DYSF: variants seen among roughly 807,000 people sequenced by gnomAD.
The protein encoded by DYSF is dystrophy-associated fer-1-like 1.
Under a neutral mutation model 274.9 loss-of-function variants are expected in DYSF, and 212 were observed. That is an observed-to-expected ratio of 0.77 (90% CI 0.69 to 0.86). The LOEUF is 0.86. DYSF is among the 40% of genes least tolerant of loss of function. The pLI, the probability that DYSF is intolerant of heterozygous loss-of-function variation, is 0.00. For missense variants in DYSF, 2,666 were observed against 2,783.2 expected, an observed-to-expected ratio of 0.96 and a Z score of 0.95; for synonymous variants, 1,091 against 1,078.7, an observed-to-expected ratio of 1.01 and a Z score of -0.22.
chr2:71,641,178 ATT>A (rs10683765), intron 41 of DYSF, among the ~76,000 whole-genome samples: 1 of 124,534 alleles, frequency 8.0e-6, no homozygotes, highest in Non-Finnish European at 1.6e-5. Context: ...ATGTTTATCT[ATT>A]TTTTTTTTTT....
intron 24 of DYSF, 37 bp downstream of exon 24, chr2:71,564,250 T>C (rs1415702564): frequency 6.2e-7 from 1 of 1,613,792 alleles, no homozygotes; most frequent in Non-Finnish European, 8.5e-7. Context: ...GATCGTATTT[T>C]TCCCAACATA....
intron 26 of DYSF, among the ~76,000 whole-genome samples, chr2:71,569,019 C>T (rs1293963160): frequency 2.0e-5 from 3 of 152,090 alleles, no homozygotes; most frequent in Non-Finnish European, 4.4e-5. Context: ...ACTACAGCTG[C>T]CTGCCACTAC....
chr2:71,584,471 T>C (rs1431230622), intron 30 of DYSF, among the ~76,000 whole-genome samples: 1 of 152,062 alleles, frequency 6.6e-6, no homozygotes, highest in Non-Finnish European at 1.5e-5. Context: ...TGTAAGTGAG[T>C]CCACATTAAT....
rs563178501 is a variant in DYSF, at chr2:71,551,658, C to G, written c.1744C>G (p.Leu582Val). 3.1e-6 allele frequency: 5 copies of G among 1,611,234 alleles called. No individual in the cohort carries two copies. In the South Asian group the frequency reaches 5.6e-5, roughly 18 times the overall value. The change falls in exon 19 of 56, where the codon CTG (leucine) becomes GTG (valine). Residue 582 changes from leucine to valine, a missense_variant. Around this residue, in one of 3 missense-constraint regions of DYSF, gnomAD observed 794 missense variants for 777.1 expected, o/e 1.02. Coordinates refer to ENST00000410020, the MANE Select transcript of DYSF (RefSeq NM_001130987.2). Reference sequence around the variant, plus strand: ...GCTTCTGCTCTCCCTGGAGACCAAGCTGGTGGAGCACAGTGAACAGAAGGT... The same window carrying G: ...GCTTCTGCTCTCCCTGGAGACCAAGGTGGTGGAGCACAGTGAACAGAAGGT... ...GRLLLSLETK[L>V]VEHSEQKVED...
In DYSF at chr2:71,468,071, C is replaced by T. The variant is rs553113350; in HGVS notation, c.91+1138C>T. 2.6e-5 allele frequency among the ~76,000 whole-genome samples: 4 copies of T among 152,306 alleles called. No homozygotes were observed. In the South Asian group the frequency reaches 6.2e-4, roughly 24 times the overall value. ...CTCTTTTGAAAGATGTGATTTGAAA[C>T]GTTTAAGAAAATTTCACTATTTTCA... On this transcript the variant is annotated intron_variant, in intron 1 of 55. Transcript: ENST00000410020.
chr2:71,673,437 G>C (rs768877914), intron 51 of DYSF, among the ~76,000 whole-genome samples: 1 of 152,148 alleles, frequency 6.6e-6, no homozygotes, highest in Non-Finnish European at 1.5e-5. Flanking sequence ...AGCAGGAGAC[G>C]GAACTTCCCA....
chr2:71,623,191 G>C (rs1259576230), intron 41 of DYSF, among the ~76,000 whole-genome samples: 7 of 150,628 alleles, frequency 4.6e-5, no homozygotes, highest in Non-Finnish European at 8.9e-5. Flanking sequence ...TTTTTTAATT[G>C]TACTTTAGGT....
chr2:71,664,375 A>G lies in DYSF; in HGVS notation c.5111A>G (p.Asp1704Gly). 2 of 1,614,150 alleles carry G rather than the reference A, an allele frequency of 1.2e-6. No individual in the cohort carries two copies. Among genetic ancestry groups the G allele is most frequent in the East Asian group, 4.5e-5 (2 of 44,876 alleles). ...KDEKIGETVV[D>G]LENRLLSKFG... is the part of the protein sequence containing the mutation. ...GAAAAGATCGGTGAGACGGTCGTCG[A>G]CCTGGAGAACAGGCTGCTGTCCAAG... The change falls in exon 46 of 56, where the codon GAC becomes GGC. Residue 1704 changes from aspartate (D) to glycine (G), a missense_variant. Asp to Gly is a moderately conservative substitution (Grantham distance 94, BLOSUM62 -1). This residue lies in a region of DYSF where 1,460 missense variants were observed against 1,502.1 expected (regional missense o/e 0.97). Coordinates refer to ENST00000410020, the MANE Select transcript of DYSF (RefSeq NM_001130987.2).
At chr2:71,681,211 C>T in intron 54 of DYSF, 101 bp downstream of exon 54, 1 of 1,142,492 alleles carries the variant, frequency 8.8e-7, no homozygotes, top group Non-Finnish European at 1.3e-6. Flanking sequence ...GTCACAAAGC[C>T]CACGTGGCTC....
chr2:71,602,561 T>G (rs1229219479), intron 35 of DYSF: 1 of 539,030 alleles, frequency 1.9e-6, no homozygotes, highest in Non-Finnish European at 3.4e-6. Flanking sequence ...CCATCACACC[T>G]TCTTTCCCAG....
intron 3 of DYSF, 82 bp downstream of exon 3, chr2:71,482,052 C>G (rs2082958956): frequency 1.7e-6 from 2 of 1,164,844 alleles, no homozygotes; most frequent in Non-Finnish European, 2.5e-6. Context: ...AATCCCAGGC[C>G]CCAGGGAGCT....
At chr2:71,560,793 CT>C (rs2091696200) in intron 22 of DYSF, among the ~76,000 whole-genome samples, 1 of 151,926 alleles carries the variant, frequency 6.6e-6, no homozygotes, top group African/African-American at 2.4e-5. Flanking sequence ...GTGGGGGGTG[CT>C]GCAAGTGGTG....
Position 71,613,417 on chromosome 2 carries a change from T to C in DYSF, c.4464+7T>C, listed in dbSNP as rs369949055. The C allele has an allele frequency of 9.7e-5, 156 of 1,611,282 alleles. No individual in the cohort carries two copies. Among genetic ancestry groups the C allele is most frequent in the Middle Eastern group, 3.3e-4 (2 of 6,082 alleles). On this transcript the variant is annotated splice_region_variant and intron_variant, in intron 40 of 55. Coordinates refer to ENST00000410020, the MANE Select transcript of DYSF (RefSeq NM_001130987.2). ...GCCCCTCATCCCCATCCAGGTAGGA[T>C]GGGCATCCTCCAGGGAGGCCTGGGT... is the stretch of plus-strand genomic sequence containing the variant.
At chr2:71,515,888 A>C in intron 8 of DYSF, 137 bp downstream of exon 8, 1 of 1,326,702 alleles carries the variant, frequency 7.5e-7, no homozygotes, top group Non-Finnish European at 1.0e-6. Context: ...CTGGCTCCCA[A>C]GGAGGTTATC....
At chr2:71,673,776 A>G (rs2095171593) in intron 51 of DYSF, among the ~76,000 whole-genome samples, 1 of 152,184 alleles carries the variant, frequency 6.6e-6, no homozygotes, top group South Asian at 2.1e-4. Flanking sequence ...TAAAGATAGT[A>G]TCTCCTTTAC....
intron 45 of DYSF, among the ~76,000 whole-genome samples, chr2:71,660,983 A>C (rs2094869229): frequency 6.6e-6 from 1 of 151,972 alleles, no homozygotes; most frequent in Non-Finnish European, 1.5e-5. Flanking sequence ...CAGGCATGGT[A>C]GTGCATGCCT....
chr2:71,570,904 A>G, intron 29 of DYSF, 163 bp downstream of exon 29: 1 of 1,003,402 alleles, frequency 1.0e-6, no homozygotes, highest in South Asian at 1.6e-5. Context: ...CAGCATACCC[A>G]AAGATCACAC....
intron 29 of DYSF, among the ~76,000 whole-genome samples, chr2:71,573,112 C>T (rs1199178354): frequency 6.6e-6 from 1 of 152,220 alleles, no homozygotes; most frequent in Admixed American, 6.5e-5. Context: ...ACCAGACCTC[C>T]CTTAGTCCAG....
intron 16 of DYSF, among the ~76,000 whole-genome samples, chr2:71,537,930 C>T (rs1490685457): frequency 6.6e-6 from 1 of 152,120 alleles, no homozygotes; most frequent in Non-Finnish European, 1.5e-5. Flanking sequence ...CCCAGTGTTT[C>T]TCAGTGTCTG....
Sources: gnomAD v4.1 joint callset for allele counts (sites outside exome capture counted in the v4.1 genomes callset) on GRCh38, gnomAD v4.1.1 for gene constraint, gnomAD v4.1.1 regional missense constraint, MANE v1.5 for transcripts, NCBI Gene and HGNC (gene_info 2026-07-23, HGNC 2026-07-21) for gene names.